The following MRM1 variants were observed in gnomAD, a reference collection of about 807,000 sequenced individuals.
The protein encoded by MRM1 is rRNA methyltransferase 1, mitochondrial.
MRM1 carries 24 observed loss-of-function variants against 25.0 expected under a neutral mutation model. The ratio of observed to expected loss-of-function variants is 0.96; its 90% CI spans 0.69 to 1.35. The LOEUF (loss-of-function observed/expected upper bound fraction) is 1.35. Ranked by LOEUF, MRM1 falls within the 40% of genes most tolerant of loss-of-function variation. The pLI, the probability that MRM1 is intolerant of heterozygous loss-of-function variation, is 0.00. For missense variants in MRM1, 431 were observed against 464.1 expected (o/e 0.93, Z 0.65); for synonymous variants, 188 against 199.2 (o/e 0.94, Z 0.47).
Position 36,601,694 on chromosome 17 carries a change from A to G in MRM1, c.-117A>G, listed in dbSNP as rs2074868032. On this transcript the variant is annotated 5_prime_UTR_variant, in exon 1 of 5. Coordinates refer to ENST00000614766, the MANE Select transcript of MRM1 (RefSeq NM_024864.5). ...GTTCCTGTCCGAGAGAGCTCGGCGG[A>G]GACGGCTGTCGAGTACCCTTCACCT... 9.1e-7 allele frequency: 1 copy of G among 1,103,722 alleles called. No homozygotes were observed. The highest frequency in any genetic ancestry group is 2.9e-5 in the Admixed American group (1 of 35,020). 68.4% of individuals were successfully genotyped at this position (1,103,722 alleles called of 1,614,324 possible).
rs930137839 is a variant in MRM1, at chr17:36,608,145, C to T, written c.890-98C>T. The T allele has an allele frequency of 5.6e-5, 85 of 1,524,036 alleles. No individual in the cohort carries two copies. The South Asian group carries it at 7.3e-4, about 13-fold the overall frequency. The allele number at this position is 1,524,036 out of a possible 1,614,324, so 94.4% of individuals were successfully genotyped here. A position where few individuals can be genotyped will look rare whatever the true frequency, so the allele number is the denominator to read the frequency against. On this transcript the variant is annotated intron_variant, in intron 4 of 4. Transcript: ENST00000614766. Reference sequence around the variant, plus strand: ...CTTTATGTACAAAATGGGGAAATTACATCCCGTTGATGAGATGAGGGGCTG... The same window carrying T: ...CTTTATGTACAAAATGGGGAAATTATATCCCGTTGATGAGATGAGGGGCTG...
At chr17:36,633,540 G>A in the MRM1 span, among the ~76,000 whole-genome samples, 8 of 151,996 alleles carry the variant, frequency 5.3e-5, no homozygotes, top group East Asian at 1.9e-4. Context: ...AGGAGGGGAC[G>A]AAGAGGAAGA....
chr17:36,603,737 TA>T (rs1336626364), intron 2 of MRM1, among the ~76,000 whole-genome samples: 5 of 152,174 alleles, frequency 3.3e-5, no homozygotes, highest in African/African-American at 1.2e-4. Flanking sequence ...TACATTCCTT[TA>T]AAAAATGTTT....
downstream of MRM1, among the ~76,000 whole-genome samples, chr17:36,609,343 A>T (rs2074959790): frequency 6.6e-6 from 1 of 152,244 alleles, no homozygotes; most frequent in East Asian, 1.9e-4. Context: ...AGAGTCTGAC[A>T]TGATGGGTGT....
chr17:36,623,980 G>A, the MRM1 span, among the ~76,000 whole-genome samples: 2 of 152,274 alleles, frequency 1.3e-5, no homozygotes, highest in African/African-American at 2.4e-5. Context: ...CCCCTCCCAG[G>A]ATTCTGCTAA....
Position 36,607,782 on chromosome 17 carries a change from G to A in MRM1, c.749G>A (p.Arg250Gln), listed in dbSNP as rs754060268. Residue 250 changes from arginine to glutamine, a missense_variant, in exon 3 of 5, where the codon CGG (arginine) becomes CAG (glutamine). Transcript: ENST00000614766. ...AGTTGCTTGGAGTTCCTCTGGGAAC[G>A]GCCTACTCTCCTTGTGCTGGGTAGG... ...IMSCLEFLWE[R>Q]PTLLVLGNEG... is the part of the protein sequence containing the mutation. The A allele has an allele frequency of 1.2e-5, 19 of 1,614,034 alleles. No homozygotes were observed. Among genetic ancestry groups the A allele is most frequent in the Non-Finnish European group, 1.5e-5 (18 of 1,180,000 alleles).
chr17:36,622,386 AC>A, the MRM1 span, among the ~76,000 whole-genome samples: 1 of 152,078 alleles, frequency 6.6e-6, no homozygotes, highest in Non-Finnish European at 1.5e-5. Flanking sequence ...AGCCTGGGCA[AC>A]ATGGTGAAAC....
the MRM1 span, among the ~76,000 whole-genome samples, chr17:36,628,598 C>T: frequency 6.6e-6 from 1 of 151,948 alleles, no homozygotes; most frequent in Non-Finnish European, 1.5e-5. Context: ...TGATGGAGAC[C>T]CTGTGCCAGG....
the MRM1 span, among the ~76,000 whole-genome samples, chr17:36,621,776 A>G: frequency 6.6e-6 from 1 of 151,986 alleles, no homozygotes; most frequent in Non-Finnish European, 1.5e-5. Context: ...GGGGGCCCCC[A>G]GCCCCCCTTG....
intron 3 of MRM1, 37 bp downstream of exon 3, chr17:36,607,839 T>C: frequency 6.2e-7 from 1 of 1,611,806 alleles, no homozygotes; most frequent in Non-Finnish European, 8.5e-7. Flanking sequence ...CCAGATTACA[T>C]TTCCCGAGCA....
chr17:36,618,768 G>T, the MRM1 span, among the ~76,000 whole-genome samples: 1 of 152,216 alleles, frequency 6.6e-6, no homozygotes, highest in Non-Finnish European at 1.5e-5. Context: ...CACTTCACCT[G>T]CTTTGTCGAT....
chr17:36,629,821 A>G, the MRM1 span, among the ~76,000 whole-genome samples: 1 of 152,160 alleles, frequency 6.6e-6, no homozygotes, highest in Non-Finnish European at 1.5e-5. Context: ...ATTGACCACT[A>G]AAGCCTAGGG....
At chr17:36,616,334 A>C in the MRM1 span, among the ~76,000 whole-genome samples, 1 of 152,184 alleles carries the variant, frequency 6.6e-6, no homozygotes, top group Non-Finnish European at 1.5e-5. Flanking sequence ...GTGTCAGAGG[A>C]GGCAAGTCAG....
At chr17:36,611,167 C>G (rs959886691), downstream of MRM1, among the ~76,000 whole-genome samples, 1 of 152,230 alleles carries the variant, frequency 6.6e-6, no homozygotes, top group African/African-American at 2.4e-5. Flanking sequence ...GTTCAAGAAT[C>G]AGTGGCCTTT....
the MRM1 span, among the ~76,000 whole-genome samples, chr17:36,633,443 C>T: frequency 5.9e-5 from 9 of 152,126 alleles, no homozygotes; most frequent in Admixed American, 2.6e-4. Flanking sequence ...GCATTACATC[C>T]GGCTCACACC....
At chr17:36,616,834 A>T in the MRM1 span, among the ~76,000 whole-genome samples, 68 of 151,874 alleles carry the variant, frequency 4.5e-4, no homozygotes, top group Non-Finnish European at 8.8e-4. Flanking sequence ...GGCTCAAGTG[A>T]TCCTCCCACC....
rs772345695 is a variant in MRM1 at position 36,601,832 on chromosome 17, C to T, written c.22C>T (p.Arg8Trp). The change falls in exon 1 of 5, where the codon CGG (arginine) becomes TGG (tryptophan). Residue 8 changes from arginine to tryptophan, a missense_variant. Physicochemically the swap from Arg to Trp is moderately radical, Grantham distance 101. Transcript: ENST00000614766. ...CGCCATGGCATTGCTCTCGACCGTC[C>T]GGGGCGCGACCTGGGGTCGCCTCGT... MALLSTVRGATWGRLVTR... is the reference protein window; with the variant it reads MALLSTVWGATWGRLVTR... The T allele has an allele frequency of 7.6e-6, 12 of 1,577,894 alleles. No homozygotes were observed. The highest frequency in any genetic ancestry group is 1.3e-5 in the African/African-American group (1 of 74,440).
rs142924379 is a variant in MRM1, at chr17:36,602,375, A to G, written c.542+23A>G. The G allele has an allele frequency of 3.2e-6, 5 of 1,551,222 alleles. No individual in the cohort carries two copies. Among genetic ancestry groups the G allele is most frequent in the African/African-American group, 2.7e-5 (2 of 73,314 alleles). On this transcript the variant is annotated intron_variant, in intron 1 of 4. Coordinates refer to ENST00000614766, the MANE Select transcript of MRM1 (RefSeq NM_024864.5). This position sits in a 1 kb window ranked among gnomAD's most constrained non-coding sequence, Gnocchi z 4.1. ...CAGGCACGGACGTCCCTCATTCTCTATGTGCCCCAACTTGGAGACGCAGCC... is the reference window on the plus strand; with the variant it reads ...CAGGCACGGACGTCCCTCATTCTCTGTGTGCCCCAACTTGGAGACGCAGCC...
At chr17:36,632,867 T>C in the MRM1 span, among the ~76,000 whole-genome samples, 1 of 151,942 alleles carries the variant, frequency 6.6e-6, no homozygotes. Flanking sequence ...GGGGATGCGG[T>C]GGGAGGAATG....
Sources: allele counts gnomAD v4.1 joint callset (sites outside exome capture counted in the v4.1 genomes callset), GRCh38; gene constraint gnomAD v4.1.1; non-coding constraint Gnocchi (gnomAD v3.1); transcripts MANE v1.5; gene names NCBI Gene and HGNC (gene_info 2026-07-23, HGNC 2026-07-21).